Variants in MSRA observed in about 807,000 individuals in gnomAD.
MSRA encodes methionine sulfoxide reductase A, also known as mitochondrial peptide methionine sulfoxide reductase.
MSRA carries 54 observed loss-of-function variants against 31.3 expected under a neutral mutation model. The ratio of observed to expected loss-of-function variants is 1.73; its 90% CI spans 1.39 to 2.17. MSRA has a LOEUF of 2.17. Among genes scored for constraint, MSRA ranks in the 30% most tolerant of loss-of-function variants. The probability of loss-of-function intolerance (pLI) is 0.00; values close to 1 mark genes in which losing one functional copy is unlikely to be tolerated. For missense variants in MSRA, 507 were observed against 300.9 expected, an observed-to-expected ratio of 1.69 and a Z score of -5.07; for synonymous variants, 169 against 116.5, an observed-to-expected ratio of 1.45 and a Z score of -2.90.
intron 1 of MSRA, among the ~76,000 whole-genome samples, chr8:10,192,624 G>A (rs1370311773): frequency 6.6e-6 from 1 of 152,232 alleles, no homozygotes; most frequent in Non-Finnish European, 1.5e-5. Context: ...ATAGTTAGTA[G>A]CTGAAAGGCT....
At chr8:10,427,886 G>C (rs1039159800) in intron 5 of MSRA, among the ~76,000 whole-genome samples, 1 of 152,206 alleles carries the variant, frequency 6.6e-6, no homozygotes, top group African/African-American at 2.4e-5. Context: ...GGGATGGCAG[G>C]GGTGTGGGGG....
rs142329046 is a variant in MSRA, at chr8:10,186,311, G to A, written c.143-21522G>A. 2.1e-3 allele frequency among the ~76,000 whole-genome samples: 321 copies of A among 152,258 alleles called. 1 individual carries two copies. Among genetic ancestry groups the A allele is most frequent in the Non-Finnish European group, 2.2e-3 (152 of 68,010 alleles). On this transcript the variant is annotated intron_variant, in intron 1 of 5. Transcript: ENST00000317173. Reference sequence around the variant, plus strand: ...ATATTTTAGGCTTTGCAGGCCATACGGTTCCTGTCACGATGACTGCACTCT... The same window carrying A: ...ATATTTTAGGCTTTGCAGGCCATACAGTTCCTGTCACGATGACTGCACTCT...
intron 1 of MSRA, among the ~76,000 whole-genome samples, chr8:10,147,184 T>A (rs1803221072): frequency 6.6e-6 from 1 of 151,726 alleles, no homozygotes; most frequent in South Asian, 2.1e-4. Context: ...GGTCCTCAGG[T>A]TTGAGCCAGA....
chr8:10,105,014 T>C (rs888611035), intron 1 of MSRA, among the ~76,000 whole-genome samples: 1 of 152,228 alleles, frequency 6.6e-6, no homozygotes, highest in African/African-American at 2.4e-5. Flanking sequence ...TTACGTTTAT[T>C]GGTATAGCTG....
chr8:10,070,407 C>G (rs572539751), intron 1 of MSRA, among the ~76,000 whole-genome samples: 2 of 152,224 alleles, frequency 1.3e-5, no homozygotes, highest in South Asian at 4.2e-4. Context: ...GTGTGACCTG[C>G]TATTTTTTCA....
intron 3 of MSRA, among the ~76,000 whole-genome samples, chr8:10,284,133 T>C (rs1387017429): frequency 6.6e-6 from 1 of 152,118 alleles, no homozygotes; most frequent in East Asian, 1.9e-4. Flanking sequence ...TTTCTGCTTT[T>C]CTTGAGGGAT....
chr8:10,301,555 T>C lies in MSRA; in HGVS notation c.353T>C (p.Val118Ala), dbSNP rs1212765026. ...CAAGAAAAAACTGGCCATGCAGAAG[T>C]CGTCCGAGTGGTGTACCAGCCAGAA... is the stretch of plus-strand genomic sequence containing the variant. ...VCSEKTGHAE[V>A]VRVVYQPEHM... Residue 118 changes from valine to alanine, a missense_variant, in exon 4 of 6, where the codon GTC becomes GCC. Val to Ala is a moderately conservative substitution (Grantham distance 64, BLOSUM62 0). Transcript: ENST00000317173. The C allele has an allele frequency of 6.2e-7, 1 of 1,613,630 alleles. No homozygotes were observed. Among genetic ancestry groups the C allele is most frequent in the African/African-American group, 1.3e-5 (1 of 74,882 alleles).
At chr8:10,256,936 G>A (rs932550032) in intron 3 of MSRA, among the ~76,000 whole-genome samples, 3 of 152,158 alleles carry the variant, frequency 2.0e-5, no homozygotes, top group Non-Finnish European at 4.4e-5. Context: ...TCAGAGGTCT[G>A]TAGTTTGTTT....
chr8:10,091,779 G>C (rs1418279777), intron 1 of MSRA, among the ~76,000 whole-genome samples: 1 of 152,038 alleles, frequency 6.6e-6, no homozygotes, highest in African/African-American at 2.4e-5. Context: ...GCTAATTTTT[G>C]TAGTTTTAGT....
At chr8:10,072,364 A>T (rs986156294) in intron 1 of MSRA, among the ~76,000 whole-genome samples, 20 of 151,486 alleles carry the variant, frequency 1.3e-4, no homozygotes, top group African/African-American at 4.6e-4. Context: ...ATTTGTTGAA[A>T]TCCTTTCTCC....
At chr8:10,199,896 A>G (rs558437482) in intron 1 of MSRA, among the ~76,000 whole-genome samples, 5 of 152,112 alleles carry the variant, frequency 3.3e-5, no homozygotes, top group East Asian at 1.9e-4. Context: ...GCACTTATCA[A>G]TGTGGAGAAC....
At chr8:10,388,899 A>G (rs946345992) in intron 5 of MSRA, among the ~76,000 whole-genome samples, 2 of 151,658 alleles carry the variant, frequency 1.3e-5, no homozygotes, top group African/African-American at 4.9e-5. Context: ...GTGGCAACTA[A>G]AGATGTCCCC....
chr8:10,171,930 C>T (rs1485555375), intron 1 of MSRA, among the ~76,000 whole-genome samples: 1 of 152,148 alleles, frequency 6.6e-6, no homozygotes, highest in Non-Finnish European at 1.5e-5. Flanking sequence ...AGAGAATGCA[C>T]TATGTGAAGT....
chr8:10,328,884 T>C (rs993948852), intron 5 of MSRA, among the ~76,000 whole-genome samples: 1 of 152,192 alleles, frequency 6.6e-6, no homozygotes, highest in Admixed American at 6.5e-5. Flanking sequence ...ATTTCAAAGT[T>C]GATCCCTTCA....
At chr8:10,149,104 T>G (rs1803421010) in intron 1 of MSRA, among the ~76,000 whole-genome samples, 1 of 149,190 alleles carries the variant, frequency 6.7e-6, no homozygotes, top group Non-Finnish European at 1.5e-5. Context: ...TATAGGCACA[T>G]GCCACCACAC....
chr8:10,282,851 G>T (rs1799695446), intron 3 of MSRA, among the ~76,000 whole-genome samples: 1 of 152,042 alleles, frequency 6.6e-6, no homozygotes, highest in South Asian at 2.1e-4. Context: ...TTGAAAAGCA[G>T]GTTACTTCAT....
At chr8:10,337,406 C>T in intron 5 of MSRA, 1 of 197,638 alleles carries the variant, frequency 5.1e-6, no homozygotes, top group Non-Finnish European at 1.1e-5. Context: ...ATCTGGATCT[C>T]CTGACCTCGT....
At chr8:10,265,419 C>G (rs1798694161) in intron 3 of MSRA, among the ~76,000 whole-genome samples, 1 of 152,108 alleles carries the variant, frequency 6.6e-6, no homozygotes, top group Admixed American at 6.5e-5. Flanking sequence ...GAAATAGTGA[C>G]CTATGCCTCT....
Position 10,252,009 on chromosome 8 carries a change from T to C in MSRA, c.331+6786T>C, listed in dbSNP as rs563863627. 8.0e-4 allele frequency among the ~76,000 whole-genome samples: 122 copies of C among 152,222 alleles called. 1 individual carries two copies. The South Asian group carries it at 0.024, about 30-fold the overall frequency. ...GGTTCTGCAGGAGCTCCAGAGGTAA[T>C]GATGTTTGAACTCGGTAAGATTCAA... On this transcript the variant is annotated intron_variant, in intron 3 of 5. Coordinates refer to ENST00000317173, the MANE Select transcript of MSRA (RefSeq NM_012331.5).
Sources: allele counts gnomAD v4.1 joint callset (sites outside exome capture counted in the v4.1 genomes callset), GRCh38; gene constraint gnomAD v4.1.1; transcripts MANE v1.5; gene names NCBI Gene and HGNC (gene_info 2026-07-23, HGNC 2026-07-21).